The following SNAP25 variants were observed in gnomAD, a reference collection of about 807,000 sequenced individuals.
SNAP25 encodes synaptosome associated protein 25.
In SNAP25, 3 loss-of-function variants were observed where a neutral mutation model predicts 28.7. That is an observed-to-expected ratio of 0.10 (90% CI 0.05 to 0.27). The LOEUF is 0.27. SNAP25 is among the 10% of genes least tolerant of loss of function. The probability of loss-of-function intolerance (pLI) is 1.00; values close to 1 mark genes in which losing one functional copy is unlikely to be tolerated. For synonymous variants in SNAP25, 61 were observed against 88.1 expected (o/e 0.69, Z 1.72); for missense variants, 117 against 278.7 (o/e 0.42, Z 4.13).
intron 1 of SNAP25, among the ~76,000 whole-genome samples, chr20:10,245,252 C>A (rs1006365535): frequency 2.0e-5 from 3 of 152,182 alleles, no homozygotes; most frequent in Non-Finnish European, 4.4e-5. Flanking sequence ...TGTCTATATC[C>A]TGCTCTCTCA....
intron 1 of SNAP25, among the ~76,000 whole-genome samples, chr20:10,252,410 T>G (rs942198128): frequency 6.6e-6 from 1 of 152,238 alleles, no homozygotes; most frequent in African/African-American, 2.4e-5. Context: ...ACCACAGATA[T>G]ATCATTTGCT....
intron 1 of SNAP25, among the ~76,000 whole-genome samples, chr20:10,261,185 G>A (rs1456861491): frequency 6.6e-6 from 1 of 152,004 alleles, no homozygotes; most frequent in Non-Finnish European, 1.5e-5. Flanking sequence ...ATCATTTTTA[G>A]TACAATGGGA....
chr20:10,230,089 C>A (rs1372954354), intron 1 of SNAP25, among the ~76,000 whole-genome samples: 2 of 152,124 alleles, frequency 1.3e-5, no homozygotes, highest in East Asian at 1.9e-4. Context: ...CCCATACCCC[C>A]AAGTGACAGA....
intron 1 of SNAP25, among the ~76,000 whole-genome samples, chr20:10,252,645 C>A (rs141486464): frequency 0.011 from 1,726 of 152,020 alleles, 40 homozygotes; most frequent in African/African-American, 0.038. Context: ...TTCAATAAAG[C>A]TGTTAGAAAA....
intron 1 of SNAP25, among the ~76,000 whole-genome samples, chr20:10,263,782 G>T (rs958992710): frequency 1.3e-5 from 2 of 152,164 alleles, no homozygotes; most frequent in African/African-American, 4.8e-5. Context: ...TCCCTAAGGG[G>T]CGGTTCTCCA....
chr20:10,286,144 C>T (rs1015780841), intron 4 of SNAP25, among the ~76,000 whole-genome samples: 3 of 152,010 alleles, frequency 2.0e-5, no homozygotes, highest in Non-Finnish European at 4.4e-5. Context: ...AAGTATCTGT[C>T]GGTGGGGAGA....
intron 1 of SNAP25, among the ~76,000 whole-genome samples, chr20:10,269,148 C>T (rs1437284047): frequency 1.2e-4 from 19 of 152,204 alleles, no homozygotes; most frequent in African/African-American, 2.4e-4. Context: ...CAGTGTCTCA[C>T]GCCTGTAACC....
intron 1 of SNAP25, among the ~76,000 whole-genome samples, chr20:10,222,309 C>A (rs8124803): frequency 0.054 from 8,285 of 152,152 alleles, 344 homozygotes; most frequent in Non-Finnish European, 0.076. Context: ...TGAATGTAAC[C>A]AACAATAAGT....
At chr20:10,231,544 T>G (rs2062829086) in intron 1 of SNAP25, 1 of 152,198 alleles carries the variant, frequency 6.6e-6, no homozygotes, top group African/African-American at 2.4e-5. Context: ...TCCTGGAGTT[T>G]CCAGATCCCC....
intron 1 of SNAP25, among the ~76,000 whole-genome samples, chr20:10,228,437 C>G (rs993266100): frequency 6.6e-6 from 1 of 152,102 alleles, no homozygotes; most frequent in Non-Finnish European, 1.5e-5. Context: ...ATACATAGAA[C>G]GTGAGTCAGC....
At position 10,236,154 on chromosome 20, in the gene SNAP25, C is replaced by T. The variant is rs576460258; in HGVS notation, c.-64+17177C>T. 1.4e-4 allele frequency among the ~76,000 whole-genome samples: 21 copies of T among 152,314 alleles called. 1 individual carries two copies. The East Asian group carries it at 4.1e-3, about 29-fold the overall frequency. On this transcript the variant is annotated intron_variant, in intron 1 of 7. Coordinates refer to ENST00000254976, the MANE Select transcript of SNAP25 (RefSeq NM_130811.4). ...GTGGCTACACATCTTCCACTAAGTTCCACAAACCAGGAAACTTAGACCTGG... is the reference window on the plus strand; with the variant it reads ...GTGGCTACACATCTTCCACTAAGTTTCACAAACCAGGAAACTTAGACCTGG...
intron 1 of SNAP25, among the ~76,000 whole-genome samples, chr20:10,238,547 G>C (rs894595998): frequency 6.6e-6 from 1 of 152,154 alleles, no homozygotes; most frequent in Non-Finnish European, 1.5e-5. Context: ...GGGTGCAGAA[G>C]GATGCTGTGC....
Position 10,285,043 on chromosome 20 carries a change from AT to A in SNAP25, c.163+279del, listed in dbSNP as rs747759341. Among the ~76,000 whole-genome samples, 831 of 147,464 alleles carry A rather than the reference AT, an allele frequency of 5.6e-3. 1 individual carries two copies. The highest frequency in any genetic ancestry group is 9.9e-3 in the Non-Finnish European group (658 of 66,520). On this transcript the variant is annotated intron_variant, in intron 4 of 7. Transcript: ENST00000254976. Reference sequence around the variant, plus strand: ...TAACTGAATTTTGAAGGCAAAAGCCATTTTTTTTAAATGATAGTATTTTGGA... The same window carrying A: ...TAACTGAATTTTGAAGGCAAAAGCCATTTTTTTAAATGATAGTATTTTGGA...
chr20:10,255,788 A>C lies in SNAP25; in HGVS notation c.-63-19641A>C, dbSNP rs543195915. On this transcript the variant is annotated intron_variant, in intron 1 of 7. Coordinates refer to ENST00000254976, the MANE Select transcript of SNAP25 (RefSeq NM_130811.4). The stretch of plus-strand genomic sequence containing the variant: ...TCCCTTTGTTAATATGGCTTTGATA[A>C]CTTTGGGCTTCATTTACGGATTTTG... Among the ~76,000 whole-genome samples, 4 of 152,342 alleles carry C rather than the reference A, an allele frequency of 2.6e-5. No homozygotes were observed. The South Asian group carries it at 8.3e-4, about 32-fold the overall frequency.
rs182349462 is a variant in SNAP25 at position 10,273,330 on chromosome 20, T to C, written c.-63-2099T>C. Reference sequence around the variant, plus strand: ...TTTTTTGGTTAGGAAATCATGCTCATATGCAATGTTTCTGTTTCATTTTAA... The same window carrying C: ...TTTTTTGGTTAGGAAATCATGCTCACATGCAATGTTTCTGTTTCATTTTAA... On this transcript the variant is annotated intron_variant, in intron 1 of 7. Coordinates refer to ENST00000254976, the MANE Select transcript of SNAP25 (RefSeq NM_130811.4). 2.0e-5 allele frequency among the ~76,000 whole-genome samples: 3 copies of C among 152,360 alleles called. No homozygotes were observed. The East Asian group carries it at 5.8e-4, about 29-fold the overall frequency.
chr20:10,224,055 T>G (rs1326859804), intron 1 of SNAP25, among the ~76,000 whole-genome samples: 1 of 152,122 alleles, frequency 6.6e-6, no homozygotes, highest in East Asian at 1.9e-4. Flanking sequence ...AACCTTGTGG[T>G]CAGATTACTA....
chr20:10,252,703 C>A (rs2063252464), intron 1 of SNAP25, among the ~76,000 whole-genome samples: 1 of 151,430 alleles, frequency 6.6e-6, no homozygotes, highest in Non-Finnish European at 1.5e-5. Flanking sequence ...ATTACATAAT[C>A]CCCAGGCAGT....
At chr20:10,302,246 A>G (rs990124110) in intron 7 of SNAP25, among the ~76,000 whole-genome samples, 1 of 152,162 alleles carries the variant, frequency 6.6e-6, no homozygotes, top group African/African-American at 2.4e-5. Context: ...AAGTAAATAT[A>G]TAAATAAAAA....
intron 1 of SNAP25, among the ~76,000 whole-genome samples, chr20:10,257,662 G>A (rs911535174): frequency 6.6e-6 from 1 of 151,014 alleles, no homozygotes; most frequent in Non-Finnish European, 1.5e-5. Context: ...AGTGAGCCGA[G>A]ATTGCGCCAT....
Sources: gnomAD v4.1 joint callset for allele counts (sites outside exome capture counted in the v4.1 genomes callset) on GRCh38, gnomAD v4.1.1 for gene constraint, MANE v1.5 for transcripts, NCBI Gene and HGNC (gene_info 2026-07-23, HGNC 2026-07-21) for gene names.